The following ANKS1A variants were observed in gnomAD, a reference collection of about 807,000 sequenced individuals.
ANKS1A encodes the protein ankyrin repeat and SAM domain-containing protein 1A.
Under a neutral mutation model 120.3 loss-of-function variants are expected in ANKS1A, and 55 were observed. That is an observed-to-expected ratio of 0.46 (90% CI 0.37 to 0.57). The LOEUF is 0.57. ANKS1A is among the 20% of genes least tolerant of loss of function. ANKS1A has a pLI of 0.00. For missense variants in ANKS1A, 1,123 were observed against 1,480.3 expected, an observed-to-expected ratio of 0.76 and a Z score of 3.96; for synonymous variants, 590 against 604.7, an observed-to-expected ratio of 0.98 and a Z score of 0.36.
At chr6:35,035,949 G>A (rs1775146425) in intron 11 of ANKS1A, among the ~76,000 whole-genome samples, 1 of 152,188 alleles carries the variant, frequency 6.6e-6, no homozygotes, top group African/African-American at 2.4e-5. Context: ...GAGCAGGAAA[G>A]CTGTTAGCAC....
Position 35,050,181 on chromosome 6 carries a change from A to C in ANKS1A, c.2011-3918A>C, listed in dbSNP as rs1047627293. 4.6e-5 allele frequency among the ~76,000 whole-genome samples: 7 copies of C among 152,176 alleles called. No homozygotes were observed. The highest frequency in any genetic ancestry group is 8.8e-5 in the Non-Finnish European group (6 of 68,032). Reference sequence around the variant, plus strand: ...TTCAGCCATATGGGGAATACATTTTACACAGCCCTGGCAGGGAAAAATAGT... The same window carrying C: ...TTCAGCCATATGGGGAATACATTTTCCACAGCCCTGGCAGGGAAAAATAGT... On this transcript the variant is annotated intron_variant, in intron 11 of 23. Transcript: ENST00000360359. The surrounding 1 kb of genome is among the most constrained non-coding windows in gnomAD (Gnocchi z 4.3).
At chr6:34,987,771 T>C (rs1772288016) in intron 8 of ANKS1A, among the ~76,000 whole-genome samples, 2 of 152,242 alleles carry the variant, frequency 1.3e-5, no homozygotes, top group Non-Finnish European at 2.9e-5. Context: ...GAAACATCTT[T>C]CCATGCAGAT....
intron 16 of ANKS1A, among the ~76,000 whole-genome samples, chr6:35,080,507 C>CA (rs2127608358): frequency 6.6e-6 from 1 of 152,350 alleles, no homozygotes; most frequent in East Asian, 1.9e-4. Context: ...CCGCAGGTCT[C>CA]ACCCCATTGA....
intron 11 of ANKS1A, among the ~76,000 whole-genome samples, chr6:35,033,792 A>T (rs897438051): frequency 1.3e-5 from 2 of 152,182 alleles, no homozygotes; most frequent in African/African-American, 4.8e-5. Context: ...TCATGCAGAG[A>T]TGCATTAACG....
chr6:35,035,316 G>T (rs966205099), intron 11 of ANKS1A, among the ~76,000 whole-genome samples: 28 of 152,204 alleles, frequency 1.8e-4, no homozygotes, highest in African/African-American at 6.5e-4. Flanking sequence ...TCTGGTTGAA[G>T]TAGGGGCTGG....
chr6:35,037,841 TG>T (rs1320491261), intron 11 of ANKS1A, among the ~76,000 whole-genome samples: 2 of 152,238 alleles, frequency 1.3e-5, no homozygotes, highest in Non-Finnish European at 2.9e-5. Flanking sequence ...GGGTTTTCCC[TG>T]GGGTCCTGGT....
chr6:34,993,948 A>G (rs1170558020), intron 9 of ANKS1A, among the ~76,000 whole-genome samples: 1 of 152,202 alleles, frequency 6.6e-6, no homozygotes, highest in Non-Finnish European at 1.5e-5. Flanking sequence ...CTAAAATCAA[A>G]GAAAAGGGAG....
At chr6:34,951,023 T>C (rs1441393393) in intron 1 of ANKS1A, among the ~76,000 whole-genome samples, 1 of 152,198 alleles carries the variant, frequency 6.6e-6, no homozygotes, top group Non-Finnish European at 1.5e-5. Flanking sequence ...CAAAGCTTGG[T>C]ATGTAGCCTT....
chr6:34,913,603 G>A (rs9469926), intron 1 of ANKS1A, among the ~76,000 whole-genome samples: 14,882 of 151,888 alleles, frequency 0.098, 1,594 homozygotes, highest in African/African-American at 0.27. Context: ...TACCATGCCT[G>A]GCCTAAACAA....
In ANKS1A at chr6:35,018,183, C is replaced by T. The variant is rs967022251; in HGVS notation, c.2010+124C>T. 18 of 913,214 alleles carry T rather than the reference C, an allele frequency of 2.0e-5. No individual in the cohort carries two copies. The African/African-American group carries it at 2.8e-4, about 14-fold the overall frequency. 56.6% of individuals were successfully genotyped at this position (913,214 alleles called of 1,614,324 possible). On this transcript the variant is annotated intron_variant, in intron 11 of 23. Transcript: ENST00000360359. ...CAAGGTTGCTCTGGTTCCTTCACTC[C>T]GTAACTAATGTATTTCTGACAATCG... is the stretch of plus-strand genomic sequence containing the variant.
At chr6:35,068,245 G>T (rs964690657) in intron 13 of ANKS1A, among the ~76,000 whole-genome samples, 5 of 152,148 alleles carry the variant, frequency 3.3e-5, no homozygotes, top group African/African-American at 1.2e-4. Flanking sequence ...AAACTCAAAA[G>T]AATCTTTTAG....
At chr6:35,045,970 G>A (rs1775701623) in intron 11 of ANKS1A, among the ~76,000 whole-genome samples, 1 of 152,222 alleles carries the variant, frequency 6.6e-6, no homozygotes. Flanking sequence ...AGCCTTCAAT[G>A]TAGTTCACAT....
chr6:35,087,226 C>T (rs1308435698), intron 23 of ANKS1A, among the ~76,000 whole-genome samples, 177 bp downstream of exon 23: 1 of 151,892 alleles, frequency 6.6e-6, no homozygotes, highest in African/African-American at 2.4e-5. Context: ...ACGCTGTACA[C>T]TTGCAGCTCT....
chr6:34,925,323 A>G lies in ANKS1A; in HGVS notation c.197+35724A>G, dbSNP rs554238386. Among the ~76,000 whole-genome samples, 14 of 152,290 alleles carry G rather than the reference A, an allele frequency of 9.2e-5. No individual in the cohort carries two copies. The South Asian group carries it at 2.9e-3, about 32-fold the overall frequency. ...CCTCTCCACAGTCTCTGCCCATAGA[A>G]TGGCTTTCCTCAAGTCCTATGTGGC... On this transcript the variant is annotated intron_variant, in intron 1 of 23. Transcript: ENST00000360359.
At position 35,079,547 on chromosome 6, in the gene ANKS1A, C is replaced by A; in HGVS notation, c.2315C>A (p.Pro772His). ...VKALGYDGNSPPSVPSWLDSL... is the reference protein window; with the variant it reads ...VKALGYDGNSHPSVPSWLDSL... ...GCTCTGGGTTATGACGGGAACAGCC[C>A]CCCTAGCGTGCCCTCCTGGCTGGAC... is the stretch of plus-strand genomic sequence containing the variant. Residue 772 changes from proline to histidine, a missense_variant, in exon 15 of 24, where the codon CCC becomes CAC. By Grantham distance (77) the Pro-to-His change is moderately conservative. Coordinates refer to ENST00000360359, the MANE Select transcript of ANKS1A (RefSeq NM_015245.3). 1 of 1,613,764 alleles carries A rather than the reference C, an allele frequency of 6.2e-7. No homozygotes were observed. The highest frequency in any genetic ancestry group is 8.5e-7 in the Non-Finnish European group (1 of 1,179,808).
At chr6:34,947,478 G>A (rs1276563071) in intron 1 of ANKS1A, among the ~76,000 whole-genome samples, 1 of 152,016 alleles carries the variant, frequency 6.6e-6, no homozygotes, top group Non-Finnish European at 1.5e-5. Flanking sequence ...TGCGTCTCTT[G>A]TGCTTCTGAA....
At chr6:34,904,628 A>G (rs1276857883) in intron 1 of ANKS1A, among the ~76,000 whole-genome samples, 1 of 152,138 alleles carries the variant, frequency 6.6e-6, no homozygotes, top group Non-Finnish European at 1.5e-5. Flanking sequence ...GCTACTTGGG[A>G]GGCTGAGGTA....
intron 1 of ANKS1A, among the ~76,000 whole-genome samples, chr6:34,890,342 G>A (rs2127437257): frequency 6.6e-6 from 1 of 152,194 alleles, no homozygotes; most frequent in Admixed American, 6.5e-5. Context: ...CGCCCGCCTC[G>A]GCTTCCCAAA....
At chr6:34,954,857 A>C (rs561263826) in intron 1 of ANKS1A, among the ~76,000 whole-genome samples, 1 of 152,172 alleles carries the variant, frequency 6.6e-6, no homozygotes, top group East Asian at 1.9e-4. Flanking sequence ...CCTCCATATT[A>C]CTGATTGTTA....
Sources: gnomAD v4.1 joint callset for allele counts (sites outside exome capture counted in the v4.1 genomes callset) on GRCh38, gnomAD v4.1.1 for gene constraint, Gnocchi (gnomAD v3.1) non-coding constraint, MANE v1.5 for transcripts, NCBI Gene and HGNC (gene_info 2026-07-23, HGNC 2026-07-21) for gene names.